Variants in CUL2 observed in about 807,000 individuals in gnomAD.
CUL2 encodes the protein cullin-2.
Under a neutral mutation model 110.2 loss-of-function variants are expected in CUL2, and 22 were observed. The observed-to-expected ratio is 0.20, with a 90% CI of 0.14 to 0.28. The LOEUF (loss-of-function observed/expected upper bound fraction) is 0.28, where lower values mean the gene tolerates loss of function less well. Among genes scored for constraint, CUL2 ranks in the 10% least tolerant of loss-of-function variants. CUL2 has a pLI of 1.00. For synonymous variants in CUL2, 279 were observed against 293.2 expected (o/e 0.95, Z 0.49); for missense variants, 631 against 905.5 (o/e 0.70, Z 3.89).
At chr10:35,102,899 A>AT (rs2087402571) in intron 1 of CUL2, among the ~76,000 whole-genome samples, 1 of 151,932 alleles carries the variant, frequency 6.6e-6, no homozygotes. Flanking sequence ...AAAAAAAAAA[A>AT]ATTTTAAGAA....
intron 1 of CUL2, among the ~76,000 whole-genome samples, chr10:35,083,387 A>G (rs1014790138): frequency 6.6e-6 from 1 of 152,178 alleles, no homozygotes; most frequent in Non-Finnish European, 1.5e-5. Flanking sequence ...GAATATACAT[A>G]TATTTCTAGC....
At chr10:35,038,759 C>T (rs941311061) in intron 9 of CUL2, among the ~76,000 whole-genome samples, 161 bp downstream of exon 9, 2 of 151,694 alleles carry the variant, frequency 1.3e-5, no homozygotes, top group African/African-American at 4.8e-5. Context: ...AAACACTTTC[C>T]TAAAATAGTC....
At chr10:35,086,531 C>T (rs867664557) in intron 1 of CUL2, among the ~76,000 whole-genome samples, 2 of 152,232 alleles carry the variant, frequency 1.3e-5, no homozygotes, top group Admixed American at 6.5e-5. Context: ...AAGTGATCCA[C>T]CCACCTCAAC....
In CUL2 at chr10:35,013,287, G is replaced by C. The variant is rs1325237930; in HGVS notation, c.1989+412C>G. ...GTGAACCCGGGAGGCAGAGCTTGCA[G>C]TGAGCCGAGATCACACCACTGCACT... On this transcript the variant is annotated intron_variant, in intron 19 of 20. Coordinates refer to ENST00000374749, the MANE Select transcript of CUL2 (RefSeq NM_003591.4). Among the ~76,000 whole-genome samples the C allele has an allele frequency of 6.0e-5, 9 of 149,342 alleles. No homozygotes were observed. In the Admixed American group the frequency reaches 6.0e-4, roughly 10 times the overall value.
chr10:35,115,952 TA>T (rs1286415252), intron 1 of CUL2, among the ~76,000 whole-genome samples: 1 of 151,804 alleles, frequency 6.6e-6, no homozygotes, highest in East Asian at 1.9e-4. Flanking sequence ...ATAAAATTGA[TA>T]AAAACTGAAA....
intron 17 of CUL2, among the ~76,000 whole-genome samples, chr10:35,024,892 T>G (rs1031381767): frequency 1.3e-5 from 2 of 152,146 alleles, no homozygotes; most frequent in Non-Finnish European, 2.9e-5. Context: ...TAGAGAAATG[T>G]AATAAATCAG....
intron 1 of CUL2, among the ~76,000 whole-genome samples, chr10:35,107,282 C>T (rs950639878): frequency 5.3e-5 from 8 of 151,944 alleles, no homozygotes; most frequent in Non-Finnish European, 1.0e-4. Context: ...CTGCCCTTAA[C>T]CTGGTTTTGA....
intron 16 of CUL2, among the ~76,000 whole-genome samples, chr10:35,026,743 A>G (rs1321475721): frequency 6.6e-6 from 1 of 152,240 alleles, no homozygotes; most frequent in African/African-American, 2.4e-5. Context: ...CCAAAGTTAT[A>G]AAACCTTCCT....
At chr10:35,018,539 G>A (rs962169792) in intron 17 of CUL2, among the ~76,000 whole-genome samples, 2 of 151,946 alleles carry the variant, frequency 1.3e-5, no homozygotes, top group African/African-American at 4.8e-5. Context: ...CGAGGCAGGT[G>A]GATCACCTGA....
intron 1 of CUL2, among the ~76,000 whole-genome samples, chr10:35,112,259 TG>T (rs1363049690): frequency 6.6e-6 from 1 of 152,256 alleles, no homozygotes; most frequent in Non-Finnish European, 1.5e-5. Context: ...AGACCAGAAC[TG>T]GATTTATCCT....
intron 10 of CUL2, 85 bp downstream of exon 10, chr10:35,035,087 A>C (rs2134741456): frequency 6.7e-7 from 1 of 1,487,958 alleles, no homozygotes; most frequent in South Asian, 1.2e-5. Context: ...TTTTTCTTTC[A>C]TCTTTCAAAA....
chr10:35,011,994 C>G (rs1452942544), intron 19 of CUL2, 30 bp from the exon 20 acceptor site: 1 of 1,295,470 alleles, frequency 7.7e-7, no homozygotes, highest in South Asian at 1.3e-5. Context: ...AAAAAAGACC[C>G]AACAAGACAT....
intron 4 of CUL2, among the ~76,000 whole-genome samples, chr10:35,057,872 T>A (rs1465969907): frequency 6.6e-6 from 1 of 151,806 alleles, no homozygotes; most frequent in African/African-American, 2.4e-5. Context: ...GGCAGGTGGA[T>A]CACTCGAGGT....
chr10:35,097,026 T>G (rs1369481026), intron 2 of CUL2, among the ~76,000 whole-genome samples: 5 of 152,116 alleles, frequency 3.3e-5, no homozygotes, highest in Admixed American at 3.3e-4. Flanking sequence ...GCCAGGCTGG[T>G]CTCGAACTCC....
intron 4 of CUL2, among the ~76,000 whole-genome samples, chr10:35,059,218 C>T (rs1417810309): frequency 3.9e-5 from 6 of 152,188 alleles, no homozygotes; most frequent in African/African-American, 4.8e-5. Flanking sequence ...ACTCCAATTT[C>T]GTAAGAATTT....
intron 1 of CUL2, chr10:35,119,928 A>G (rs2087657979): frequency 2.0e-5 from 3 of 152,092 alleles, no homozygotes; most frequent in Non-Finnish European, 4.4e-5. Context: ...TGCTCTCCTA[A>G]GCCAGTCTGA....
At chr10:35,107,225 T>C (rs2087471133) in intron 1 of CUL2, among the ~76,000 whole-genome samples, 1 of 151,668 alleles carries the variant, frequency 6.6e-6, no homozygotes. Flanking sequence ...CCACCCACCT[T>C]GGCCTCCCAA....
intron 1 of CUL2, among the ~76,000 whole-genome samples, chr10:35,073,611 T>C (rs1211951505): frequency 3.4e-5 from 5 of 146,694 alleles, no homozygotes; most frequent in African/African-American, 1.3e-4. Context: ...TTCTTTTTCT[T>C]TTTTTTTTTG....
intron 1 of CUL2, among the ~76,000 whole-genome samples, chr10:35,124,739 T>C (rs2087719571): frequency 6.6e-6 from 1 of 152,074 alleles, no homozygotes; most frequent in African/African-American, 2.4e-5. Context: ...GGTATGACTC[T>C]TGGTAATTGA....
Sources: gnomAD v4.1 joint callset for allele counts (sites outside exome capture counted in the v4.1 genomes callset) on GRCh38, gnomAD v4.1.1 for gene constraint, MANE v1.5 for transcripts, NCBI Gene and HGNC (gene_info 2026-07-23, HGNC 2026-07-21) for gene names.